The following KDM2B variants were observed in gnomAD, a reference collection of about 807,000 sequenced individuals.
The protein encoded by KDM2B is lysine demethylase 2B.
KDM2B carries 26 observed loss-of-function variants against 150.0 expected under a neutral mutation model. The ratio of observed to expected loss-of-function variants is 0.17; its 90% CI spans 0.13 to 0.24. The LOEUF is 0.24. Among genes scored for constraint, KDM2B ranks in the 10% least tolerant of loss-of-function variants. The pLI, the probability that KDM2B is intolerant of heterozygous loss-of-function variation, is 1.00. For synonymous variants in KDM2B, 734 were observed against 729.5 expected (o/e 1.01, Z -0.10); for missense variants, 1,265 against 1,816.9 (o/e 0.70, Z 5.52).
At chr12:121,414,133 G>T in the KDM2B span, among the ~76,000 whole-genome samples, 2 of 152,160 alleles carry the variant, frequency 1.3e-5, no homozygotes, top group Non-Finnish European at 2.9e-5. Flanking sequence ...TTAAGAGCTT[G>T]CTGGACAAAC....
chr12:121,549,696 A>C lies in KDM2B; in HGVS notation c.398-58T>G. ...GCCGGCTTAAGGCTCCAGATCCTAC[A>C]TGGGAGCCCCTCACTAAACAAAAGC... is the stretch of plus-strand genomic sequence containing the variant. On this transcript the variant is annotated intron_variant, in intron 4 of 22. Coordinates refer to ENST00000377071, the MANE Select transcript of KDM2B (RefSeq NM_032590.5). The surrounding 1 kb of genome is among the most constrained non-coding windows in gnomAD (Gnocchi z 4.4). 1 of 1,444,844 alleles carries C rather than the reference A, an allele frequency of 6.9e-7. No homozygotes were observed. Among genetic ancestry groups the C allele is most frequent in the Non-Finnish European group, 9.4e-7 (1 of 1,069,492 alleles). The allele number at this position is 1,444,844 out of a possible 1,614,324, so 89.5% of individuals were successfully genotyped here. A position where few individuals can be genotyped will look rare whatever the true frequency, so the allele number is the denominator to read the frequency against.
chr12:121,420,082 G>T, the KDM2B span: 1 of 577,178 alleles, frequency 1.7e-6, no homozygotes, highest in Non-Finnish European at 3.1e-6. Context: ...ATGCAATTTT[G>T]TAGGGCCCAA....
Position 121,533,215 on chromosome 12 carries a change from C to A in KDM2B, c.778-256G>T, listed in dbSNP as rs1887810383. Among the ~76,000 whole-genome samples, 1 of 152,166 alleles carries A rather than the reference C, an allele frequency of 6.6e-6. No homozygotes were observed. Among genetic ancestry groups the A allele is most frequent in the Non-Finnish European group, 1.5e-5 (1 of 68,010 alleles). ...TGAAATCCCAGGATGGGAGTACTTCCTGGACTGGGTGGGACATGCTTTCTC... is the reference window on the plus strand; with the variant it reads ...TGAAATCCCAGGATGGGAGTACTTCATGGACTGGGTGGGACATGCTTTCTC... On this transcript the variant is annotated intron_variant, in intron 7 of 22. Transcript: ENST00000377071. The surrounding 1 kb of genome is among the most constrained non-coding windows in gnomAD (Gnocchi z 4.1).
At chr12:121,516,825 G>A (rs1886243326) in intron 9 of KDM2B, 3 of 663,526 alleles carry the variant, frequency 4.5e-6, no homozygotes, top group Non-Finnish European at 5.4e-6. Context: ...AAGTCAAAAT[G>A]TGAGAGTGGG....
intron 13 of KDM2B, among the ~76,000 whole-genome samples, chr12:121,446,135 C>T (rs542178710): frequency 1.3e-5 from 2 of 152,318 alleles, no homozygotes; most frequent in African/African-American, 2.4e-5. Context: ...GTGGCTCACG[C>T]CTGTAATCCC....
intron 11 of KDM2B, among the ~76,000 whole-genome samples, chr12:121,504,565 A>C (rs555716919): frequency 6.6e-6 from 1 of 152,232 alleles, no homozygotes; most frequent in South Asian, 2.1e-4. Flanking sequence ...CGTTACAATG[A>C]AATATCTAGA....
intron 11 of KDM2B, among the ~76,000 whole-genome samples, chr12:121,501,100 C>A (rs1364267500): frequency 6.6e-6 from 1 of 151,114 alleles, no homozygotes; most frequent in African/African-American, 2.4e-5. Flanking sequence ...GATTCCATCT[C>A]AAAAAAAAAT....
In KDM2B at chr12:121,520,367, A is replaced by G. The variant is rs993421556; in HGVS notation, c.1047+618T>C. Among the ~76,000 whole-genome samples the G allele has an allele frequency of 2.6e-5, 4 of 152,146 alleles. No homozygotes were observed. The highest frequency in any genetic ancestry group is 4.8e-5 in the African/African-American group (2 of 41,436). On this transcript the variant is annotated intron_variant, in intron 9 of 22. Coordinates refer to ENST00000377071, the MANE Select transcript of KDM2B (RefSeq NM_032590.5). The surrounding 1 kb of genome is among the most constrained non-coding windows in gnomAD (Gnocchi z 4.5). ...AAGCCTCCGCCCATGTTCGTAGGAC[A>G]TGGGGTGAGTGAGGGAAACTTGACG...
intron 4 of KDM2B, among the ~76,000 whole-genome samples, chr12:121,555,973 C>T (rs1382006459): frequency 6.6e-6 from 1 of 151,860 alleles, no homozygotes; most frequent in Non-Finnish European, 1.5e-5. Context: ...CTCACCTACA[C>T]TGGAGTACAG....
At chr12:121,426,636 T>A (rs546314891), downstream of KDM2B, among the ~76,000 whole-genome samples, 347 of 150,234 alleles carry the variant, frequency 2.3e-3, 2 homozygotes, top group African/African-American at 7.8e-3. Context: ...TTTTTTTTTT[T>A]TTTTTTTTAG....
intron 12 of KDM2B, among the ~76,000 whole-genome samples, chr12:121,477,808 C>A (rs1164110004): frequency 6.6e-6 from 1 of 152,002 alleles, no homozygotes. Flanking sequence ...AAACTCTTGA[C>A]CTCGGGTGAT....
chr12:121,416,073 A>G, the KDM2B span: 7 of 1,067,988 alleles, frequency 6.6e-6, no homozygotes, highest in Non-Finnish European at 1.0e-5. Flanking sequence ...GGGCAAACTT[A>G]CCTCTCCAGA....
intron 12 of KDM2B, among the ~76,000 whole-genome samples, chr12:121,486,778 A>C (rs1202485254): frequency 6.7e-6 from 1 of 149,946 alleles, no homozygotes; most frequent in Non-Finnish European, 1.5e-5. Flanking sequence ...CACAGTGAGA[A>C]TCTGTCTCCA....
chr12:121,458,644 A>G (rs1360002513), intron 12 of KDM2B, among the ~76,000 whole-genome samples: 3 of 152,036 alleles, frequency 2.0e-5, no homozygotes, highest in African/African-American at 7.2e-5. Flanking sequence ...CCTACTAAAA[A>G]TACAAAATTA....
At chr12:121,457,757 C>CACAT (rs1424692528) in intron 12 of KDM2B, among the ~76,000 whole-genome samples, 1 of 150,882 alleles carries the variant, frequency 6.6e-6, no homozygotes, top group Non-Finnish European at 1.5e-5. Context: ...CACACACACA[C>CACAT]ACACACACAC....
At chr12:121,420,623 T>TG in the KDM2B span, 1 of 1,614,156 alleles carries the variant, frequency 6.2e-7, no homozygotes, top group Non-Finnish European at 8.5e-7. Context: ...CTGTCTGACT[T>TG]GTCAAGCCTT....
At position 121,537,848 on chromosome 12, in the gene KDM2B, C is replaced by G. The variant is rs1888272955; in HGVS notation, c.684-3258G>C. 6.6e-6 allele frequency among the ~76,000 whole-genome samples: 1 copy of G among 151,834 alleles called. No individual in the cohort carries two copies. Among genetic ancestry groups the G allele is most frequent in the East Asian group, 1.9e-4 (1 of 5,144 alleles). The stretch of plus-strand genomic sequence containing the variant: ...CCTGTAGCCCGCGGGCGGGAGGCCA[C>G]CCACACCCGCCCCGCGCAGCGCCAC... On this transcript the variant is annotated intron_variant, in intron 6 of 22. Transcript: ENST00000377071. The surrounding 1 kb of genome is among the most constrained non-coding windows in gnomAD (Gnocchi z 8.7).
chr12:121,561,684 T>C (rs1555313852), intron 4 of KDM2B, among the ~76,000 whole-genome samples: 1 of 152,160 alleles, frequency 6.6e-6, no homozygotes, highest in African/African-American at 2.4e-5. Flanking sequence ...TGGGGGTCTA[T>C]TGGAAGCATT....
Position 121,580,932 on chromosome 12 carries a change from G to C in KDM2B, c.-21C>G. 2.5e-6 allele frequency: 4 copies of C among 1,611,004 alleles called. No homozygotes were observed. Among genetic ancestry groups the C allele is most frequent in the Non-Finnish European group, 3.4e-6 (4 of 1,178,936 alleles). Reference sequence around the variant, plus strand: ...GCCATGTGGAGGAGGCATTTGGGGGGCTCAGAAGGAAATTAGCTCGGCTTC... The same window carrying C: ...GCCATGTGGAGGAGGCATTTGGGGGCCTCAGAAGGAAATTAGCTCGGCTTC... On this transcript the variant is annotated 5_prime_UTR_variant, in exon 1 of 23. Transcript: ENST00000377071.
Sources: allele counts gnomAD v4.1 joint callset (sites outside exome capture counted in the v4.1 genomes callset), GRCh38; gene constraint gnomAD v4.1.1; non-coding constraint Gnocchi (gnomAD v3.1); transcripts MANE v1.5; gene names NCBI Gene and HGNC (gene_info 2026-07-23, HGNC 2026-07-21).